The following ATP8A2 variants were observed in gnomAD, a reference collection of about 807,000 sequenced individuals.
ATP8A2 encodes ATPase phospholipid transporting 8A2.
In ATP8A2, 100 loss-of-function variants were observed where a neutral mutation model predicts 165.6. The ratio of observed to expected loss-of-function variants is 0.60; its 90% CI spans 0.51 to 0.71. The LOEUF is 0.71. ATP8A2 is among the 30% of genes least tolerant of loss of function. The pLI is 0.00. For synonymous variants in ATP8A2, 543 were observed against 548.8 expected, an observed-to-expected ratio of 0.99 and a Z score of 0.15; for missense variants, 1,227 against 1,479.5, an observed-to-expected ratio of 0.83 and a Z score of 2.80.
intron 15 of ATP8A2, among the ~76,000 whole-genome samples, chr13:25,563,147 C>T (rs373507217): frequency 3.8e-4 from 58 of 152,304 alleles, no homozygotes; most frequent in Middle Eastern, 3.4e-3. Context: ...CGGTGGCTCA[C>T]GCCTGTAATC....
In ATP8A2 at chr13:25,514,033, T is replaced by C. The variant is rs1471367143; in HGVS notation, c.222-15966T>C. ...GGGAGAGGGAGAGGGAGAGGGACTC[T>C]TAATAGTTGGATATTGGTCTTGTAT... On this transcript the variant is annotated intron_variant, in intron 2 of 36. Transcript: ENST00000381655. 1.4e-4 allele frequency among the ~76,000 whole-genome samples: 21 copies of C among 148,946 alleles called. No individual in the cohort carries two copies. The Admixed American group carries it at 1.4e-3, about 10-fold the overall frequency.
chr13:25,701,265 G>A, intron 25 of ATP8A2, among the ~76,000 whole-genome samples: 1 of 152,142 alleles, frequency 6.6e-6, no homozygotes, highest in East Asian at 1.9e-4. Flanking sequence ...AGCTGATCCT[G>A]TGCTTTCTTT....
At chr13:25,777,246 G>A (rs1181132117) in intron 27 of ATP8A2, among the ~76,000 whole-genome samples, 2 of 152,024 alleles carry the variant, frequency 1.3e-5, no homozygotes, top group East Asian at 1.9e-4. Context: ...AACCAAGAAA[G>A]CAAAATCCTT....
chr13:25,639,421 A>G (rs544042668), intron 24 of ATP8A2, among the ~76,000 whole-genome samples: 3 of 152,344 alleles, frequency 2.0e-5, no homozygotes, highest in Non-Finnish European at 2.9e-5. Flanking sequence ...TACTAAGCAA[A>G]TGGAAAACAA....
chr13:25,999,359 T>A (rs1956588307), intron 35 of ATP8A2, among the ~76,000 whole-genome samples: 1 of 152,136 alleles, frequency 6.6e-6, no homozygotes, highest in African/African-American at 2.4e-5. Flanking sequence ...AGCTTTGACC[T>A]CTCTCTGGTC....
chr13:25,976,352 C>T lies in ATP8A2; in HGVS notation c.3377+7673C>T, dbSNP rs1488683032. 3.9e-5 allele frequency among the ~76,000 whole-genome samples: 6 copies of T among 152,234 alleles called. 1 individual carries two copies. In the East Asian group the frequency reaches 9.7e-4, roughly 24 times the overall value. On this transcript the variant is annotated intron_variant, in intron 35 of 36. Transcript: ENST00000381655. Reference sequence around the variant, plus strand: ...CTCATGTGCAGAAAAGGCGATGAGGCCTCAGAGAGATGGAGTCACGTCTGC... The same window carrying T: ...CTCATGTGCAGAAAAGGCGATGAGGTCTCAGAGAGATGGAGTCACGTCTGC...
At chr13:25,898,792 A>C (rs1953646105) in intron 33 of ATP8A2, among the ~76,000 whole-genome samples, 1 of 152,196 alleles carries the variant, frequency 6.6e-6, no homozygotes, top group South Asian at 2.1e-4. Flanking sequence ...CTGTACTAGC[A>C]ATGAACGAGG....
intron 24 of ATP8A2, among the ~76,000 whole-genome samples, chr13:25,617,399 G>C (rs1418778526): frequency 1.3e-5 from 2 of 152,138 alleles, no homozygotes; most frequent in Non-Finnish European, 2.9e-5. Context: ...TAACTCAATT[G>C]ATTTAAATGT....
chr13:25,927,413 C>G, intron 33 of ATP8A2: 1 of 350,078 alleles, frequency 2.9e-6, no homozygotes, highest in Non-Finnish European at 5.7e-6. Flanking sequence ...TGGTAGCTGC[C>G]TGTGTCAGAA....
chr13:25,756,675 A>T (rs1374316980), intron 25 of ATP8A2, among the ~76,000 whole-genome samples: 1 of 152,168 alleles, frequency 6.6e-6, no homozygotes, highest in Non-Finnish European at 1.5e-5. Context: ...TAAAATGGAG[A>T]GAATAACAGC....
chr13:25,430,417 A>G (rs562404258), intron 1 of ATP8A2, among the ~76,000 whole-genome samples: 1 of 152,194 alleles, frequency 6.6e-6, no homozygotes, highest in East Asian at 1.9e-4. Flanking sequence ...GTTTTGTAGG[A>G]GCAGGAGTGG....
chr13:25,379,448 G>C (rs944631698), intron 1 of ATP8A2, among the ~76,000 whole-genome samples: 2 of 152,140 alleles, frequency 1.3e-5, no homozygotes, highest in African/African-American at 4.8e-5. Context: ...TGTTAATATC[G>C]GGGAGCAGTT....
chr13:25,944,448 A>C (rs1955153590), intron 33 of ATP8A2: 4 of 152,260 alleles, frequency 2.6e-5, no homozygotes, highest in Admixed American at 2.6e-4. Context: ...CAGAAGTTGC[A>C]GTGAGCCGAG....
At chr13:25,833,585 A>G (rs2138629879) in intron 28 of ATP8A2, among the ~76,000 whole-genome samples, 1 of 152,300 alleles carries the variant, frequency 6.6e-6, no homozygotes, top group Middle Eastern at 3.4e-3. Flanking sequence ...CTTAAAGGTG[A>G]TCTTTCAATG....
chr13:25,953,819 T>C lies in ATP8A2; in HGVS notation c.3184-7756T>C, dbSNP rs918250244. 2.6e-5 allele frequency among the ~76,000 whole-genome samples: 4 copies of C among 152,140 alleles called. No individual in the cohort carries two copies. The highest frequency in any genetic ancestry group is 5.9e-5 in the Non-Finnish European group (4 of 68,014). ...GTGCTGTAAGGAACCATGCATTCCG[T>C]CCCAGATACTATGCTTTTCCCATGG... On this transcript the variant is annotated intron_variant, in intron 33 of 36. Transcript: ENST00000381655. The surrounding 1 kb of genome is among the most constrained non-coding windows in gnomAD (Gnocchi z 6.7).
intron 33 of ATP8A2, among the ~76,000 whole-genome samples, chr13:25,958,781 A>G (rs1593628163): frequency 6.6e-6 from 1 of 152,226 alleles, no homozygotes; most frequent in Non-Finnish European, 1.5e-5. Context: ...CAACAGAACA[A>G]TACTTTCAAG....
intron 30 of ATP8A2, among the ~76,000 whole-genome samples, chr13:25,844,430 C>T (rs138188601): frequency 2.4e-4 from 36 of 152,146 alleles, no homozygotes; most frequent in South Asian, 4.2e-4. Context: ...GGGGTTTCAC[C>T]CTGTTGGCCA....
At chr13:25,982,991 G>A (rs1956200539) in intron 35 of ATP8A2, among the ~76,000 whole-genome samples, 1 of 152,104 alleles carries the variant, frequency 6.6e-6, no homozygotes, top group African/African-American at 2.4e-5. Flanking sequence ...TTCATGGTTT[G>A]TGTCAATGCA....
At chr13:25,448,933 G>A (rs2035140061) in intron 1 of ATP8A2, among the ~76,000 whole-genome samples, 1 of 152,066 alleles carries the variant, frequency 6.6e-6, no homozygotes, top group Non-Finnish European at 1.5e-5. Flanking sequence ...CCAAAGTGCT[G>A]GGATTACAGG....
Sources: gnomAD v4.1 joint callset for allele counts (sites outside exome capture counted in the v4.1 genomes callset) on GRCh38, gnomAD v4.1.1 for gene constraint, Gnocchi (gnomAD v3.1) non-coding constraint, MANE v1.5 for transcripts, NCBI Gene and HGNC (gene_info 2026-07-23, HGNC 2026-07-21) for gene names.